GRM4: variants seen among roughly 807,000 people sequenced by gnomAD.
GRM4 encodes the protein glutamate metabotropic receptor 4, also known as metabotropic glutamate receptor 4.
In GRM4, 28 loss-of-function variants were observed where a neutral mutation model predicts 81.7. The ratio of observed to expected loss-of-function variants is 0.34; its 90% confidence interval spans 0.25 to 0.47. GRM4 has a LOEUF of 0.47. Ranked by LOEUF, GRM4 falls within the 20% of genes least tolerant of loss-of-function variation. The probability of loss-of-function intolerance (pLI) is 1.00; values close to 1 mark genes in which losing one functional copy is unlikely to be tolerated. For synonymous variants in GRM4, 488 were observed against 528.8 expected, an observed-to-expected ratio of 0.92 and a Z score of 1.06; for missense variants, 948 against 1,290.0, an observed-to-expected ratio of 0.73 and a Z score of 4.06.
chr6:34,040,921 G>A (rs796538468), intron 6 of GRM4, among the ~76,000 whole-genome samples, 173 bp from the exon 7 acceptor site: 7 of 152,322 alleles, frequency 4.6e-5, no homozygotes, highest in African/African-American at 1.7e-4. Flanking sequence ...ATGGCCCTGT[G>A]GAGGTGCCTG....
upstream of GRM4, among the ~76,000 whole-genome samples, chr6:34,148,772 C>T (rs1770991399): frequency 6.6e-6 from 1 of 152,314 alleles, no homozygotes; most frequent in African/African-American, 2.4e-5. Context: ...TCAGTGAGAC[C>T]AGGGGCTGGG....
intron 3 of GRM4, among the ~76,000 whole-genome samples, chr6:34,073,129 CCACACA>C (rs534116779): frequency 3.3e-4 from 15 of 44,850 alleles, no homozygotes; most frequent in African/African-American, 7.7e-4. Flanking sequence ...CAGATACACA[CCACACA>C]CACACACACA....
At chr6:34,126,987 T>C (rs1017523507) in intron 2 of GRM4, among the ~76,000 whole-genome samples, 17 of 152,182 alleles carry the variant, frequency 1.1e-4, no homozygotes, top group African/African-American at 3.6e-4. Context: ...GACACAGAAA[T>C]TTGAGTTTCA....
intron 9 of GRM4, among the ~76,000 whole-genome samples, chr6:34,030,890 C>T (rs933838894): frequency 1.3e-5 from 2 of 152,184 alleles, no homozygotes; most frequent in Non-Finnish European, 2.9e-5. Context: ...GCCCTGGGGG[C>T]TCCTCTAGCC....
At chr6:34,109,699 C>T (rs2127498510) in intron 2 of GRM4, among the ~76,000 whole-genome samples, 1 of 152,256 alleles carries the variant, frequency 6.6e-6, no homozygotes, top group South Asian at 2.1e-4. Context: ...TCTACGGTGT[C>T]CCTGACTGTG....
Position 34,136,928 on chromosome 6 carries a change from G to A in GRM4, c.-363-3069C>T, listed in dbSNP as rs1311744700. On this transcript the variant is annotated intron_variant, in intron 1 of 10. Transcript: ENST00000538487. The surrounding 1 kb of genome is among the most constrained non-coding windows in gnomAD (Gnocchi z 4.1). ...AAGGAGCCACTGAGAGCAGAGGCAG[G>A]GTGTGGTGGGGTGGGTTGGGGTGGG... 3.3e-5 allele frequency among the ~76,000 whole-genome samples: 5 copies of A among 152,114 alleles called. No individual in the cohort carries two copies. The highest frequency in any genetic ancestry group is 5.9e-5 in the Non-Finnish European group (4 of 68,012).
chr6:34,142,726 C>G (rs1290428564), intron 1 of GRM4, among the ~76,000 whole-genome samples: 1 of 152,260 alleles, frequency 6.6e-6, no homozygotes, highest in East Asian at 1.9e-4. Context: ...TCTCACCTAC[C>G]TCGGGCTGCC....
Position 34,018,699 on chromosome 6 carries a change from A to C in GRM4, c.*4122T>G, listed in dbSNP as rs189881932. ...CAATGGCGGGCTGAATTACACAGGC[A>C]GGGCCTTGGAGGTTACCTAAAAATA... On this transcript the variant is annotated 3_prime_UTR_variant, in exon 11 of 11. Transcript: ENST00000538487. 5.3e-5 allele frequency: 8 copies of C among 152,312 alleles called. No individual in the cohort carries two copies. The East Asian group carries it at 1.5e-3, about 29-fold the overall frequency. 9.4% of individuals were successfully genotyped at this position (152,312 alleles called of 1,614,324 possible). A position where few individuals can be genotyped will look rare whatever the true frequency, so the allele number is the denominator to read the frequency against.
At chr6:34,143,507 G>T (rs1271275974) in intron 1 of GRM4, among the ~76,000 whole-genome samples, 1 of 152,214 alleles carries the variant, frequency 6.6e-6, no homozygotes, top group East Asian at 1.9e-4. Context: ...AGAGGCCTCT[G>T]CGGAAGTTCT....
chr6:34,110,320 A>AC (rs1262684117), intron 2 of GRM4, among the ~76,000 whole-genome samples: 39 of 150,204 alleles, frequency 2.6e-4, no homozygotes, highest in Admixed American at 4.0e-4. Context: ...AAAAAAAAAA[A>AC]AAAAAAAAAC....
At position 34,073,147 on chromosome 6, in the gene GRM4, A is replaced by G. The variant is rs1306473777; in HGVS notation, c.737-11119T>C. On this transcript the variant is annotated intron_variant, in intron 3 of 10. Coordinates refer to ENST00000538487, the MANE Select transcript of GRM4 (RefSeq NM_000841.4). ...ATACACACCACACACACACACACACATCACCACAGACACACACCCACACAC... is the reference window on the plus strand; with the variant it reads ...ATACACACCACACACACACACACACGTCACCACAGACACACACCCACACAC... 7.5e-4 allele frequency among the ~76,000 whole-genome samples: 10 copies of G among 13,422 alleles called. 1 individual carries two copies. The highest frequency in any genetic ancestry group is 3.5e-3 in the African/African-American group (10 of 2,874). The allele number at this position is 13,422 out of a possible 152,430, so 8.8% of individuals were successfully genotyped here. A position where few individuals can be genotyped will look rare whatever the true frequency, so the allele number is the denominator to read the frequency against.
At position 34,115,584 on chromosome 6, in the gene GRM4, T is replaced by C. The variant is rs774295218; in HGVS notation, c.519+17394A>G. 2.6e-5 allele frequency among the ~76,000 whole-genome samples: 4 copies of C among 152,222 alleles called. No homozygotes were observed. The highest frequency in any genetic ancestry group is 5.9e-5 in the Non-Finnish European group (4 of 68,030). On this transcript the variant is annotated intron_variant, in intron 2 of 10. Transcript: ENST00000538487. The surrounding 1 kb of genome is among the most constrained non-coding windows in gnomAD (Gnocchi z 4.1). Reference sequence around the variant, plus strand: ...TGCCCGAAGACACTCGGCAAACCTTTCAGGCCTCTAAAAGACCATTTAGTA... The same window carrying C: ...TGCCCGAAGACACTCGGCAAACCTTCCAGGCCTCTAAAAGACCATTTAGTA...
intron 2 of GRM4, among the ~76,000 whole-genome samples, chr6:34,129,246 C>A (rs1424515392): frequency 6.6e-6 from 1 of 152,176 alleles, no homozygotes; most frequent in African/African-American, 2.4e-5. Context: ...AACTCCTGAC[C>A]TCAGGTGATC....
At chr6:34,148,188 C>T (rs2127520765), upstream of GRM4, among the ~76,000 whole-genome samples, 1 of 152,236 alleles carries the variant, frequency 6.6e-6, no homozygotes, top group African/African-American at 2.4e-5. Context: ...TGAGGCCTAG[C>T]TCTTCCGGGC....
At chr6:34,095,836 G>A (rs1768489917) in intron 2 of GRM4, among the ~76,000 whole-genome samples, 1 of 152,202 alleles carries the variant, frequency 6.6e-6, no homozygotes, top group Non-Finnish European at 1.5e-5. Context: ...GGGATCGGGG[G>A]CAGGAGGTGC....
At chr6:34,030,686 C>T (rs899401159) in intron 9 of GRM4, among the ~76,000 whole-genome samples, 5 of 152,158 alleles carry the variant, frequency 3.3e-5, no homozygotes, top group African/African-American at 9.7e-5. Context: ...CATATTGAAT[C>T]GTGGATAATT....
intron 5 of GRM4, among the ~76,000 whole-genome samples, chr6:34,057,496 G>T (rs763625592): frequency 6.6e-6 from 1 of 152,208 alleles, no homozygotes; most frequent in Non-Finnish European, 1.5e-5. Context: ...CACTGTGGAC[G>T]CTCTGGGCGG....
intron 9 of GRM4, among the ~76,000 whole-genome samples, chr6:34,029,756 T>G (rs1764321670): frequency 6.6e-6 from 1 of 151,924 alleles, no homozygotes; most frequent in South Asian, 2.1e-4. Flanking sequence ...GGCACTGAGA[T>G]GAAGGTGAGG....
chr6:34,046,594 C>A (rs1318242071), intron 6 of GRM4, among the ~76,000 whole-genome samples: 2 of 152,220 alleles, frequency 1.3e-5, no homozygotes, highest in African/African-American at 4.8e-5. Context: ...GTCCCATCCA[C>A]AGGGATAAAT....
Sources: allele counts gnomAD v4.1 joint callset (sites outside exome capture counted in the v4.1 genomes callset), GRCh38; gene constraint gnomAD v4.1.1; non-coding constraint Gnocchi (gnomAD v3.1); transcripts MANE v1.5; gene names NCBI Gene and HGNC (gene_info 2026-07-23, HGNC 2026-07-21).